Variants in BLTP1 observed in about 807,000 individuals in gnomAD.
BLTP1 encodes the protein fragile site-associated protein.
At chr4:122,183,002 A>G in the BLTP1 span, 1 of 985,050 alleles carries the variant, frequency 1.0e-6, no homozygotes, top group South Asian at 4.7e-5. Context: ...ATGAGATGTA[A>G]TATTTCATGA....
chr4:122,339,126 T>G, the BLTP1 span: 1 of 1,448,324 alleles, frequency 6.9e-7, no homozygotes, highest in Non-Finnish European at 9.4e-7. Context: ...TTAAGTTTAT[T>G]TGAACATTTC....
At chr4:122,343,828 T>C in the BLTP1 span, 1 of 516,232 alleles carries the variant, frequency 1.9e-6, no homozygotes. Context: ...CAGAATATTT[T>C]CTAAGCGGTA....
At chr4:122,282,032 TAA>T in the BLTP1 span, 1 of 979,488 alleles carries the variant, frequency 1.0e-6, no homozygotes, top group South Asian at 4.7e-5. Flanking sequence ...AATTTAAACT[TAA>T]GTTGAAGAAA....
the BLTP1 span, among the ~76,000 whole-genome samples, chr4:122,235,776 G>T: frequency 7.9e-5 from 12 of 152,152 alleles, no homozygotes; most frequent in Admixed American, 6.5e-5. Context: ...CTGCACTCCA[G>T]CCTGGGCGAC....
chr4:122,308,219 T>G, the BLTP1 span: 4 of 1,562,482 alleles, frequency 2.6e-6, no homozygotes, highest in Non-Finnish European at 3.5e-6. Context: ...CATAACCATT[T>G]CTAAGTATTT....
the BLTP1 span, chr4:122,304,923 A>G: frequency 6.2e-7 from 1 of 1,613,832 alleles, no homozygotes; most frequent in African/African-American, 1.3e-5. Flanking sequence ...GCTATCTGAA[A>G]CTGTTTGGCA....
chr4:122,187,357 T>C, the BLTP1 span: 1 of 1,581,734 alleles, frequency 6.3e-7, no homozygotes, highest in South Asian at 1.2e-5. Flanking sequence ...AGGTATGGTA[T>C]TGTGAGGAAG....
chr4:122,247,297 A>G, the BLTP1 span: 1 of 1,613,514 alleles, frequency 6.2e-7, no homozygotes, highest in Non-Finnish European at 8.5e-7. Context: ...AGGCAAAGAA[A>G]TTGCAGCTAA....
the BLTP1 span, chr4:122,309,126 G>C: frequency 7.7e-6 from 9 of 1,173,498 alleles, no homozygotes; most frequent in Non-Finnish European, 1.0e-5. Context: ...TTTTTAAAAG[G>C]CATCTTTCTA....
the BLTP1 span, chr4:122,279,704 A>G: frequency 1.3e-6 from 2 of 1,496,874 alleles, no homozygotes; most frequent in Non-Finnish European, 1.8e-6. Flanking sequence ...TCTTGCTCTC[A>G]ATATTTTTTC....
the BLTP1 span, chr4:122,246,558 C>G: frequency 1.7e-6 from 2 of 1,197,946 alleles, no homozygotes; most frequent in South Asian, 3.4e-5. Flanking sequence ...TATTCATAAG[C>G]TTTGTCTTCA....
At chr4:122,264,327 T>C in the BLTP1 span, 2 of 1,611,718 alleles carry the variant, frequency 1.2e-6, no homozygotes, top group Non-Finnish European at 1.7e-6. Flanking sequence ...CAAAATACTT[T>C]GGATGGGACA....
chr4:122,219,633 G>A, the BLTP1 span: 3 of 1,150,902 alleles, frequency 2.6e-6, no homozygotes, highest in Non-Finnish European at 3.9e-6. Context: ...TAGATGTGAA[G>A]CATTCAGCAC....
chr4:122,175,117 C>A, the BLTP1 span: 145 of 979,868 alleles, frequency 1.5e-4, 1 homozygote, highest in East Asian at 0.011. Context: ...AATGTTCCTT[C>A]TTCTGTAAGT....
At chr4:122,169,070 C>A in the BLTP1 span, among the ~76,000 whole-genome samples, 1 of 152,134 alleles carries the variant, frequency 6.6e-6, no homozygotes, top group Non-Finnish European at 1.5e-5. Context: ...GCCCCCATGC[C>A]CTGAGTAGCT....
the BLTP1 span, among the ~76,000 whole-genome samples, chr4:122,312,314 G>C: frequency 2.0e-5 from 3 of 152,126 alleles, no homozygotes; most frequent in African/African-American, 7.2e-5. Flanking sequence ...GGGATTATAG[G>C]TGTGAGCCAC....
At chr4:122,207,662 T>G in the BLTP1 span, 1 of 1,503,938 alleles carries the variant, frequency 6.6e-7, no homozygotes, top group African/African-American at 1.4e-5. Flanking sequence ...AATGCATTAT[T>G]TATTCCACAG....
the BLTP1 span, chr4:122,237,480 A>C: frequency 3.4e-6 from 2 of 588,232 alleles, no homozygotes; most frequent in Non-Finnish European, 4.3e-6. Flanking sequence ...AGTCCCTGTC[A>C]ACATTGAACT....
the BLTP1 span, chr4:122,279,607 T>A: frequency 3.6e-6 from 1 of 279,780 alleles, no homozygotes; most frequent in Non-Finnish European, 5.4e-6. Flanking sequence ...TTTATTTTGG[T>A]GCAAAATAAT....
Sources: gnomAD v4.1 joint callset for allele counts (sites outside exome capture counted in the v4.1 genomes callset) on GRCh38, gnomAD v4.1.1 for gene constraint, MANE v1.5 for transcripts, NCBI Gene and HGNC (gene_info 2026-07-23, HGNC 2026-07-21) for gene names.